Variants in FBXO31 observed in about 807,000 individuals in gnomAD.
FBXO31 encodes the protein F-box only protein 31.
A neutral mutation model predicts 54.4 loss-of-function variants in FBXO31; 24 were observed. The observed-to-expected ratio is 0.44, with a 90% confidence interval of 0.32 to 0.62. FBXO31 has a LOEUF of 0.62. Among genes scored for constraint, FBXO31 ranks in the 20% least tolerant of loss-of-function variants. The probability of loss-of-function intolerance (pLI) is 0.05; values close to 1 mark genes in which losing one functional copy is unlikely to be tolerated. For missense variants in FBXO31, 665 were observed against 787.1 expected (o/e 0.84, Z 1.86); for synonymous variants, 388 against 335.6 (o/e 1.16, Z -1.71).
Position 87,336,297 on chromosome 16 carries a change from A to G in FBXO31, c.733-33T>C. 1 of 1,597,620 alleles carries G rather than the reference A, an allele frequency of 6.3e-7. No individual in the cohort carries two copies. Among genetic ancestry groups the G allele is most frequent in the Non-Finnish European group, 8.6e-7 (1 of 1,166,322 alleles). ...AAGAACACAGGTCATGAATATCCAT[A>G]TGACAGGAGGCTGTGAAGAGGCTGC... On this transcript the variant is annotated intron_variant, in intron 5 of 8. Transcript: ENST00000311635. The surrounding 1 kb of genome is among the most constrained non-coding windows in gnomAD (Gnocchi z 6.5).
At chr16:87,339,858 A>C (rs762283311) in intron 5 of FBXO31, among the ~76,000 whole-genome samples, 4 of 152,264 alleles carry the variant, frequency 2.6e-5, no homozygotes, top group Non-Finnish European at 5.9e-5. Context: ...GTGATAGGCC[A>C]GTGCAATGGC....
intron 5 of FBXO31, among the ~76,000 whole-genome samples, chr16:87,341,940 G>A (rs148620656): frequency 0.017 from 2,502 of 151,596 alleles, 42 homozygotes; most frequent in South Asian, 0.069. Context: ...GGCCGCGCGC[G>A]ATGGCTCACA....
chr16:87,389,317 T>A (rs968399338), intron 1 of FBXO31, among the ~76,000 whole-genome samples: 1 of 152,200 alleles, frequency 6.6e-6, no homozygotes, highest in Non-Finnish European at 1.5e-5. Flanking sequence ...CGTAGAAGTG[T>A]CAGCTTTGCA....
intron 1 of FBXO31, among the ~76,000 whole-genome samples, chr16:87,366,250 G>A (rs1176577277): frequency 6.6e-6 from 1 of 152,202 alleles, no homozygotes; most frequent in African/African-American, 2.4e-5. Context: ...TGTTAACTGT[G>A]ACAAATATGC....
intron 2 of FBXO31, among the ~76,000 whole-genome samples, chr16:87,353,447 C>T (rs1426354693): frequency 1.3e-5 from 2 of 152,210 alleles, no homozygotes; most frequent in South Asian, 2.1e-4. Context: ...GTAATGTAGC[C>T]GTGAGCACGT....
chr16:87,383,674 C>G lies in FBXO31; in HGVS notation c.71G>C (p.Gly24Ala), dbSNP rs1373104498. Residue 24 changes from glycine (G) to alanine (A), a missense_variant, in exon 1 of 9, where the codon GGC (glycine) becomes GCC (alanine). This residue lies in a region of FBXO31 where 195 missense variants were observed against 174.8 expected (regional missense o/e 1.12). Transcript: ENST00000311635. The surrounding 1 kb of genome is among the most constrained non-coding windows in gnomAD (Gnocchi z 4.9). ...GTCGGCCGCCGCCGTCTCGGCCGGG[C>G]CCCGGCGCTGCTGGCGGCGCCGACA... Reference protein sequence around the residue: ...RGCRRRQQRRGPAETAAADSE... With the variant: ...RGCRRRQQRRAPAETAAADSE... The G allele has an allele frequency of 2.3e-6, 3 of 1,292,848 alleles. No homozygotes were observed. The highest frequency in any genetic ancestry group is 3.1e-5 in the African/African-American group (2 of 64,146). 80.1% of individuals were successfully genotyped at this position (1,292,848 alleles called of 1,614,324 possible).
intron 8 of FBXO31, among the ~76,000 whole-genome samples, chr16:87,332,088 C>T (rs756200622): frequency 9.9e-5 from 15 of 152,184 alleles, no homozygotes; most frequent in African/African-American, 3.6e-4. Context: ...CAACAGATGA[C>T]GAGAAGTAAG....
chr16:87,382,664 C>T (rs552361984), intron 1 of FBXO31, among the ~76,000 whole-genome samples: 4 of 152,332 alleles, frequency 2.6e-5, no homozygotes, highest in South Asian at 4.1e-4. Flanking sequence ...CCAAGTCGCA[C>T]TCTGTCGCCT....
chr16:87,343,466 G>A, intron 4 of FBXO31, 132 bp downstream of exon 4: 1 of 1,130,896 alleles, frequency 8.8e-7, no homozygotes, highest in Non-Finnish European at 1.2e-6. Flanking sequence ...GCAGGGCAGG[G>A]CGGAGCCTCC....
At position 87,333,918 on chromosome 16, in the gene FBXO31, C is replaced by T. The variant is rs777122658; in HGVS notation, c.1365G>A (p.Arg455=). 2 of 1,610,584 alleles carry T rather than the reference C, an allele frequency of 1.2e-6. No individual in the cohort carries two copies. The highest frequency in any genetic ancestry group is 2.2e-5 in the South Asian group (2 of 90,760). Reference sequence around the variant, plus strand: ...TGCAGGTTCGGGGGTAGTCCTCATTCCTGGAGCTCACGCCCACGGGCAGCA... The same window carrying T: ...TGCAGGTTCGGGGGTAGTCCTCATTTCTGGAGCTCACGCCCACGGGCAGCA... ...PFVLPVGVSS[R]NEDYPRTCRM... is the part of the protein sequence containing the mutation. Residue 455 remains arginine (R), a synonymous_variant, in exon 8 of 9, where the codon AGG becomes AGA. Transcript: ENST00000311635.
rs1233310295 is a variant in FBXO31, at chr16:87,383,560, G to A, written c.185C>T (p.Pro62Leu). Residue 62 changes from proline (P) to leucine (L), a missense_variant, in exon 1 of 9, where the codon CCC (proline) becomes CTC (leucine). Physicochemically the swap from Pro to Leu is moderately conservative, Grantham distance 98. Transcript: ENST00000311635. This position sits in a 1 kb window ranked among gnomAD's most constrained non-coding sequence, Gnocchi z 4.9. ...GGLCAGPSPP[P>L]PRCSLLELPP... ...CAGCTCCAGCAGCGAGCAGCGCGGG[G>A]GCGGCGGCGAGGGGCCCGCGCACAA... is the stretch of plus-strand genomic sequence containing the variant. The A allele has an allele frequency of 2.0e-6, 3 of 1,537,922 alleles. No homozygotes were observed. Among genetic ancestry groups the A allele is most frequent in the Admixed American group, 4.2e-5 (2 of 48,090 alleles).
At chr16:87,348,742 C>G (rs1483785248) in intron 2 of FBXO31, among the ~76,000 whole-genome samples, 1 of 152,202 alleles carries the variant, frequency 6.6e-6, no homozygotes, top group African/African-American at 2.4e-5. Context: ...TGAGGGCTGC[C>G]TATGAGAGGG....
intron 1 of FBXO31, among the ~76,000 whole-genome samples, chr16:87,379,358 C>T (rs1304520406): frequency 6.6e-6 from 1 of 152,132 alleles, no homozygotes; most frequent in African/African-American, 2.4e-5. Flanking sequence ...TGTTCTATAA[C>T]CCTGAGGCAG....
In FBXO31 at chr16:87,333,953, G is replaced by T; in HGVS notation, c.1330C>A (p.Gln444Lys). ...AEQPAQCGQG[Q>K]PFVLPVGVSS... is the part of the protein sequence containing the mutation. ...ACGCCCACGGGCAGCACGAACGGCT[G>T]CCCCTGCCCACACTGGGCAGGCTGC... is the stretch of plus-strand genomic sequence containing the variant. Residue 444 changes from glutamine (Q) to lysine (K), a missense_variant, in exon 8 of 9, where the codon CAG (glutamine) becomes AAG (lysine). This residue lies in a region of FBXO31 where 165 missense variants were observed against 159.7 expected (regional missense o/e 1.03). Transcript: ENST00000311635. 6.2e-7 allele frequency: 1 copy of T among 1,612,394 alleles called. No homozygotes were observed. The highest frequency in any genetic ancestry group is 8.5e-7 in the Non-Finnish European group (1 of 1,179,612).
chr16:87,361,286 AGGT>A (rs1314226939), intron 1 of FBXO31, among the ~76,000 whole-genome samples: 6 of 152,254 alleles, frequency 3.9e-5, no homozygotes, highest in African/African-American at 1.4e-4. Flanking sequence ...AAGTGCAGAG[AGGT>A]GACATGACTC....
At chr16:87,334,396 C>A (rs1444491509) in intron 7 of FBXO31, 110 bp from the exon 8 acceptor site, 2 of 1,009,314 alleles carry the variant, frequency 2.0e-6, no homozygotes, top group Non-Finnish European at 2.9e-6. Flanking sequence ...CACCAGCCCT[C>A]CTACTGACTT....
At chr16:87,347,092 G>C (rs1905421743) in intron 3 of FBXO31, 82 bp downstream of exon 3, 1 of 1,243,854 alleles carries the variant, frequency 8.0e-7, no homozygotes, top group East Asian at 2.3e-5. Context: ...TTGTACCCAG[G>C]TAGAAGAGGC....
Position 87,343,760 on chromosome 16 carries a change from G to C in FBXO31, c.495C>G (p.Asp165Glu), listed in dbSNP as rs752940051. 1.7e-5 allele frequency: 28 copies of C among 1,614,028 alleles called. No homozygotes were observed. The Admixed American group carries it at 4.7e-4, about 27-fold the overall frequency. Residue 165 changes from aspartate (D) to glutamate (E), a missense_variant, in exon 4 of 9, where the codon GAC becomes GAG. By Grantham distance (45) the Asp-to-Glu change is conservative. Around this residue, in one of 4 missense-constraint regions of FBXO31, gnomAD observed 234 missense variants for 346.8 expected, o/e 0.67. Transcript: ENST00000311635. Reference sequence around the variant, plus strand: ...ACATCCACCCGATGATGAACAGGCCGTCCACCTACAGGAGGAGATGGGCAA... The same window carrying C: ...ACATCCACCCGATGATGAACAGGCCCTCCACCTACAGGAGGAGATGGGCAA... ...PYGGLLNVVV[D>E]GLFIIGWMYL...
At chr16:87,391,285 C>G (rs1266973126), upstream of FBXO31, among the ~76,000 whole-genome samples, 1 of 152,134 alleles carries the variant, frequency 6.6e-6, no homozygotes, top group Non-Finnish European at 1.5e-5. Context: ...CCAGGCTGGG[C>G]AACAGAGCAA....
Sources: gnomAD v4.1 joint callset for allele counts (sites outside exome capture counted in the v4.1 genomes callset) on GRCh38, gnomAD v4.1.1 for gene constraint, gnomAD v4.1.1 regional missense constraint, Gnocchi (gnomAD v3.1) non-coding constraint, MANE v1.5 for transcripts, NCBI Gene and HGNC (gene_info 2026-07-23, HGNC 2026-07-21) for gene names.